Variants in GALNT18 observed in about 807,000 individuals in gnomAD.
GALNT18 encodes GalNAc-transferase 18.
Under a neutral mutation model 69.5 loss-of-function variants are expected in GALNT18, and 44 were observed. The ratio of observed to expected loss-of-function variants is 0.63; its 90% CI spans 0.50 to 0.81. The LOEUF (loss-of-function observed/expected upper bound fraction) is 0.81, where lower values mean the gene tolerates loss of function less well. Among genes scored for constraint, GALNT18 ranks in the 40% least tolerant of loss-of-function variants. GALNT18 has a pLI of 0.00. For synonymous variants in GALNT18, 364 were observed against 318.2 expected, an observed-to-expected ratio of 1.14 and a Z score of -1.53; for missense variants, 715 against 810.0, an observed-to-expected ratio of 0.88 and a Z score of 1.42.
At position 11,435,151 on chromosome 11, in the gene GALNT18, T is replaced by C. The variant is rs1855369013; in HGVS notation, c.429-2364A>G. Among the ~76,000 whole-genome samples, 1 of 152,240 alleles carries C rather than the reference T, an allele frequency of 6.6e-6. No individual in the cohort carries two copies. The highest frequency in any genetic ancestry group is 1.9e-4 in the East Asian group (1 of 5,192). On this transcript the variant is annotated intron_variant, in intron 2 of 10. Coordinates refer to ENST00000227756, the MANE Select transcript of GALNT18 (RefSeq NM_198516.3). The surrounding 1 kb of genome is among the most constrained non-coding windows in gnomAD (Gnocchi z 4.4). The stretch of plus-strand genomic sequence containing the variant: ...CCACCAGCAATGAAGACTTTGCTTC[T>C]GTATCTCTCTGCACTTCCCCACGGG...
Position 11,586,279 on chromosome 11 carries a change from T to A in GALNT18, c.235+35080A>T, listed in dbSNP as rs188655822. 7.9e-4 allele frequency among the ~76,000 whole-genome samples: 121 copies of A among 152,372 alleles called. 2 individuals carry two copies. Among genetic ancestry groups the A allele is most frequent in the Admixed American group, 7.4e-3 (113 of 15,306 alleles). ...ATGTTAATTTATGTAATTGGGTTTA[T>A]TATTGCCATTGTTAAATAAAATAAT... On this transcript the variant is annotated intron_variant, in intron 1 of 10. Coordinates refer to ENST00000227756, the MANE Select transcript of GALNT18 (RefSeq NM_198516.3). The surrounding 1 kb of genome is among the most constrained non-coding windows in gnomAD (Gnocchi z 4.1).
chr11:11,312,042 T>A (rs975712007), intron 9 of GALNT18, among the ~76,000 whole-genome samples: 1 of 152,172 alleles, frequency 6.6e-6, no homozygotes, highest in East Asian at 1.9e-4. Context: ...CTGCAAGCTC[T>A]ACCTCCCGGG....
intron 1 of GALNT18, among the ~76,000 whole-genome samples, chr11:11,615,921 C>T (rs777055609): frequency 6.6e-6 from 1 of 152,310 alleles, no homozygotes; most frequent in South Asian, 2.1e-4. Context: ...ACATATAATA[C>T]AGGCAAAATA....
chr11:11,321,613 GTT>G (rs1220143208), intron 9 of GALNT18, among the ~76,000 whole-genome samples: 1 of 151,948 alleles, frequency 6.6e-6, no homozygotes, highest in African/African-American at 2.4e-5. Context: ...TTTCTGTTTT[GTT>G]TTTTTGAGAT....
chr11:11,488,537 T>G (rs12805085), intron 1 of GALNT18, among the ~76,000 whole-genome samples: 107,919 of 151,970 alleles, frequency 0.71, 38,748 homozygotes, highest in Admixed American at 0.79. Flanking sequence ...GATTAGGATG[T>G]GGACCTCTTT....
At chr11:11,368,193 T>C (rs12785835) in intron 6 of GALNT18, among the ~76,000 whole-genome samples, 34,597 of 152,240 alleles carry the variant, frequency 0.23, 4,760 homozygotes, top group Middle Eastern at 0.32. Flanking sequence ...CTAATTATTA[T>C]TGACTTAGGT....
chr11:11,280,753 G>A (rs913257321), intron 10 of GALNT18, among the ~76,000 whole-genome samples: 1 of 152,132 alleles, frequency 6.6e-6, no homozygotes, highest in African/African-American at 2.4e-5. Flanking sequence ...TGGACAAGAG[G>A]CCCCTTCAAT....
chr11:11,351,505 C>T (rs527627821), intron 6 of GALNT18, among the ~76,000 whole-genome samples: 3 of 152,302 alleles, frequency 2.0e-5, no homozygotes, highest in South Asian at 4.1e-4. Context: ...ACCCTCACAG[C>T]TTCCCGATGC....
At position 11,620,253 on chromosome 11, in the gene GALNT18, T is replaced by G. The variant is rs1173319030; in HGVS notation, c.235+1106A>C. Among the ~76,000 whole-genome samples, 4 of 151,954 alleles carry G rather than the reference T, an allele frequency of 2.6e-5. No individual in the cohort carries two copies. The highest frequency in any genetic ancestry group is 6.5e-5 in the Admixed American group (1 of 15,272). ...AGGGGAACCAAGCTCGGCCCTGCCC[T>G]TAAGAAGCTCACACACCTGGAAGAA... On this transcript the variant is annotated intron_variant, in intron 1 of 10. Coordinates refer to ENST00000227756, the MANE Select transcript of GALNT18 (RefSeq NM_198516.3). This position sits in a 1 kb window ranked among gnomAD's most constrained non-coding sequence, Gnocchi z 6.9.
At chr11:11,303,052 C>G (rs1849524390) in intron 9 of GALNT18, among the ~76,000 whole-genome samples, 1 of 152,200 alleles carries the variant, frequency 6.6e-6, no homozygotes, top group African/African-American at 2.4e-5. Context: ...GTGGCTATAG[C>G]AGATACTGTT....
At position 11,463,332 on chromosome 11, in the gene GALNT18, C is replaced by T. The variant is rs555182119; in HGVS notation, c.236-14396G>A. 5.3e-5 allele frequency among the ~76,000 whole-genome samples: 8 copies of T among 152,190 alleles called. No homozygotes were observed. The highest frequency in any genetic ancestry group is 4.1e-4 in the South Asian group (2 of 4,822). On this transcript the variant is annotated intron_variant, in intron 1 of 10. Coordinates refer to ENST00000227756, the MANE Select transcript of GALNT18 (RefSeq NM_198516.3). This position sits in a 1 kb window ranked among gnomAD's most constrained non-coding sequence, Gnocchi z 4.2. ...GGTTGCTCACTGCTTATAGCAAGAG[C>T]ATTAAAAATGTGTCATTTCAAAGAT...
At position 11,403,816 on chromosome 11, in the gene GALNT18, C is replaced by T. The variant is rs187244839; in HGVS notation, c.596-24552G>A. ...AGGTACAGGAGAGAGTGCTGACGGTCTGTGGGCTGTAGGACACAGTGCTCC... is the reference window on the plus strand; with the variant it reads ...AGGTACAGGAGAGAGTGCTGACGGTTTGTGGGCTGTAGGACACAGTGCTCC... On this transcript the variant is annotated intron_variant, in intron 3 of 10. Coordinates refer to ENST00000227756, the MANE Select transcript of GALNT18 (RefSeq NM_198516.3). Among the ~76,000 whole-genome samples, 46 of 152,358 alleles carry T rather than the reference C, an allele frequency of 3.0e-4. No individual in the cohort carries two copies. In the East Asian group the frequency reaches 8.9e-3, roughly 29 times the overall value.
At chr11:11,277,311 A>G (rs1434362143) in intron 10 of GALNT18, among the ~76,000 whole-genome samples, 2 of 152,188 alleles carry the variant, frequency 1.3e-5, no homozygotes, top group African/African-American at 4.8e-5. Context: ...AGGTGTTTAC[A>G]GTATTCTGAT....
rs1854479764 is a variant in GALNT18, at chr11:11,402,032, T to A, written c.596-22768A>T. On this transcript the variant is annotated intron_variant, in intron 3 of 10. Coordinates refer to ENST00000227756, the MANE Select transcript of GALNT18 (RefSeq NM_198516.3). The surrounding 1 kb of genome is among the most constrained non-coding windows in gnomAD (Gnocchi z 4.0). ...CAAAGGTGAGACAAATCCTTCTAGT[T>A]AGAGGAATAGTATGTACCAAAGCAA... Among the ~76,000 whole-genome samples, 2 of 152,242 alleles carry A rather than the reference T, an allele frequency of 1.3e-5. No individual in the cohort carries two copies. The highest frequency in any genetic ancestry group is 4.1e-4 in the South Asian group (2 of 4,834).
chr11:11,357,847 C>G (rs1324906390), intron 6 of GALNT18, among the ~76,000 whole-genome samples: 1 of 152,148 alleles, frequency 6.6e-6, no homozygotes, highest in Non-Finnish European at 1.5e-5. Context: ...CAGTGCTTGG[C>G]CCAGCATCTA....
At chr11:11,512,486 A>T (rs1217513512) in intron 1 of GALNT18, among the ~76,000 whole-genome samples, 1 of 152,218 alleles carries the variant, frequency 6.6e-6, no homozygotes, top group Non-Finnish European at 1.5e-5. Context: ...GCGGCAAAGA[A>T]TTAGGAACAA....
rs1859252678 is a variant in GALNT18 at position 11,587,383 on chromosome 11, T to C, written c.235+33976A>G. On this transcript the variant is annotated intron_variant, in intron 1 of 10. Coordinates refer to ENST00000227756, the MANE Select transcript of GALNT18 (RefSeq NM_198516.3). The surrounding 1 kb of genome is among the most constrained non-coding windows in gnomAD (Gnocchi z 4.4). ...CAGTACGCCACGTATGCTGACCCCA[T>C]CAGCAAAGCAGGCTTCCCTTCAAGG... Among the ~76,000 whole-genome samples, 1 of 152,182 alleles carries C rather than the reference T, an allele frequency of 6.6e-6. No individual in the cohort carries two copies. Among genetic ancestry groups the C allele is most frequent in the East Asian group, 1.9e-4 (1 of 5,192 alleles).
At position 11,542,473 on chromosome 11, in the gene GALNT18, G is replaced by A. The variant is rs1857951049; in HGVS notation, c.235+78886C>T. 6.6e-6 allele frequency among the ~76,000 whole-genome samples: 1 copy of A among 152,236 alleles called. No homozygotes were observed. Among genetic ancestry groups the A allele is most frequent in the Non-Finnish European group, 1.5e-5 (1 of 68,040 alleles). ...GTGCTGGCACATGCAATTCTTCAATGAATGAATGAAGAAATCATCACGTGC... is the reference window on the plus strand; with the variant it reads ...GTGCTGGCACATGCAATTCTTCAATAAATGAATGAAGAAATCATCACGTGC... On this transcript the variant is annotated intron_variant, in intron 1 of 10. Coordinates refer to ENST00000227756, the MANE Select transcript of GALNT18 (RefSeq NM_198516.3). The surrounding 1 kb of genome is among the most constrained non-coding windows in gnomAD (Gnocchi z 4.3).
intron 6 of GALNT18, chr11:11,353,210 T>G: frequency 6.6e-7 from 1 of 1,510,502 alleles, no homozygotes; most frequent in South Asian, 1.2e-5. Flanking sequence ...AGACCTTGTT[T>G]CAGACCTGTT....
Sources: allele counts gnomAD v4.1 joint callset (sites outside exome capture counted in the v4.1 genomes callset), GRCh38; gene constraint gnomAD v4.1.1; non-coding constraint Gnocchi (gnomAD v3.1); transcripts MANE v1.5; gene names NCBI Gene and HGNC (gene_info 2026-07-23, HGNC 2026-07-21).